The following GSR variants were observed in gnomAD, a reference collection of about 807,000 sequenced individuals.
The protein encoded by GSR is glutathione-disulfide reductase, also known as glutathione reductase, mitochondrial.
In GSR, 48 loss-of-function variants were observed where a neutral mutation model predicts 56.5. The ratio of observed to expected loss-of-function variants is 0.85; its 90% confidence interval spans 0.67 to 1.08. The LOEUF (loss-of-function observed/expected upper bound fraction) is 1.08, where lower values mean the gene tolerates loss of function less well. GSR is among the 50% of genes least tolerant of loss of function. GSR has a pLI of 0.00. For missense variants in GSR, 694 were observed against 703.3 expected (o/e 0.99, Z 0.15); for synonymous variants, 264 against 270.8 (o/e 0.97, Z 0.25).
chr8:30,691,758 G>A (rs1803384803), intron 8 of GSR, among the ~76,000 whole-genome samples: 1 of 151,866 alleles, frequency 6.6e-6, no homozygotes, highest in Non-Finnish European at 1.5e-5. Context: ...TTAAGGATGT[G>A]TAATAAGACA....
chr8:30,683,692 T>C (rs76309974), intron 10 of GSR, among the ~76,000 whole-genome samples: 2 of 150,766 alleles, frequency 1.3e-5, no homozygotes, highest in Non-Finnish European at 1.5e-5. Flanking sequence ...CCCAGGAAGG[T>C]TGAAACTGCA....
Position 30,703,130 on chromosome 8 carries a change from A to T in GSR, c.603T>A (p.Gly201=), listed in dbSNP as rs1803802751. 1.2e-6 allele frequency: 2 copies of T among 1,613,930 alleles called. No homozygotes were observed. Among genetic ancestry groups the T allele is most frequent in the Non-Finnish European group, 1.7e-6 (2 of 1,179,950 alleles). ...YTAPHILIAT[G]GMPSTPHESQ... ...TCTCATGAGGGGTGGAGGGCATACC[A>T]CCTGTGGCGATCAGGATGTGTGGGG... The change falls in exon 5 of 13, where the codon GGT becomes GGA. Residue 201 remains glycine (G), a synonymous_variant. Coordinates refer to ENST00000221130, the MANE Select transcript of GSR (RefSeq NM_000637.5).
At chr8:30,727,121 C>T (rs1262713954) in intron 1 of GSR, 1 of 169,454 alleles carries the variant, frequency 5.9e-6, no homozygotes, top group African/African-American at 2.4e-5. Context: ...CTACATTTTT[C>T]AAGAACCAGG....
intron 3 of GSR, among the ~76,000 whole-genome samples, chr8:30,708,958 CAA>C (rs769951825): frequency 1.6e-4 from 9 of 56,654 alleles, no homozygotes; most frequent in African/African-American, 2.9e-4. Flanking sequence ...GACTCCGTCT[CAA>C]AAAAAAAAAA....
intron 4 of GSR, among the ~76,000 whole-genome samples, chr8:30,706,172 T>C (rs1375225959): frequency 6.7e-6 from 1 of 148,720 alleles, no homozygotes; most frequent in African/African-American, 2.5e-5. Flanking sequence ...TAAGACCCTT[T>C]TCAAAAAAAA....
intron 12 of GSR, among the ~76,000 whole-genome samples, chr8:30,680,388 T>G (rs909636615): frequency 5.6e-5 from 8 of 144,056 alleles, no homozygotes; most frequent in African/African-American, 1.8e-4. Flanking sequence ...CCTGTTTTTT[T>G]TTTTTTTTTT....
At chr8:30,700,735 A>AAAAAAAAAAAAG (rs1382769755) in intron 5 of GSR, among the ~76,000 whole-genome samples, 2 of 149,670 alleles carry the variant, frequency 1.3e-5, no homozygotes, top group Non-Finnish European at 3.0e-5. Flanking sequence ...AAAAAAAAAA[A>AAAAAAAAAAAAG]AAAAAAAAAA....
chr8:30,715,009 C>T (rs902050747), intron 1 of GSR, among the ~76,000 whole-genome samples: 4 of 152,116 alleles, frequency 2.6e-5, no homozygotes, highest in Admixed American at 2.0e-4. Flanking sequence ...GGTGTGGTGG[C>T]TCACGCCTGT....
intron 7 of GSR, among the ~76,000 whole-genome samples, chr8:30,693,682 C>A (rs1439724865): frequency 6.6e-6 from 1 of 152,172 alleles, no homozygotes; most frequent in Admixed American, 6.6e-5. Context: ...GCGCCCACCA[C>A]CATGCCTGGC....
chr8:30,715,271 TAAC>T (rs1804293598), intron 1 of GSR, among the ~76,000 whole-genome samples: 1 of 151,946 alleles, frequency 6.6e-6, no homozygotes, highest in Non-Finnish European at 1.5e-5. Context: ...CCAGCCTAGG[TAAC>T]AGAGCCAGAC....
At chr8:30,699,420 C>T (rs1381592423) in intron 6 of GSR, among the ~76,000 whole-genome samples, 1 of 151,774 alleles carries the variant, frequency 6.6e-6, no homozygotes, top group Admixed American at 6.6e-5. Context: ...ACCAGCCTGA[C>T]CAACATGGAG....
Position 30,678,416 on chromosome 8 carries a change from G to A in GSR, c.*1104C>T, listed in dbSNP as rs1239041482. 1 of 147,698 alleles carries A rather than the reference G, an allele frequency of 6.8e-6. No homozygotes were observed. Among genetic ancestry groups the A allele is most frequent in the African/African-American group, 2.5e-5 (1 of 39,958 alleles). The allele number at this position is 147,698 out of a possible 1,614,324, so 9.1% of individuals were successfully genotyped here. ...GCTCTGTTGTCCAAGATTGAGTGCA[G>A]CAGCATGATCAGGACTCACTGCAGC... is the stretch of plus-strand genomic sequence containing the variant. On this transcript the variant is annotated 3_prime_UTR_variant, in exon 13 of 13. Transcript: ENST00000221130.
rs8190987 is a variant in GSR at position 30,697,933 on chromosome 8, C to T, written c.696-1454G>A. 8.6e-3 allele frequency among the ~76,000 whole-genome samples: 1,302 copies of T among 152,128 alleles called. 22 individuals carry two copies. Among genetic ancestry groups the T allele is most frequent in the African/African-American group, 0.029 (1,205 of 41,514 alleles). On this transcript the variant is annotated intron_variant, in intron 6 of 12. Coordinates refer to ENST00000221130, the MANE Select transcript of GSR (RefSeq NM_000637.5). ...TTCAAACTCCTGGGCTCAAGAAATT[C>T]GCTCGCCTCAGGCCTCCCAAAGTGC... is the stretch of plus-strand genomic sequence containing the variant.
intron 1 of GSR, among the ~76,000 whole-genome samples, chr8:30,724,911 G>A (rs1804675816): frequency 6.6e-6 from 1 of 152,186 alleles, no homozygotes; most frequent in Non-Finnish European, 1.5e-5. Context: ...AAAAGCAGGA[G>A]TAGAGGAGAT....
At chr8:30,688,245 C>T (rs8191010) in intron 9 of GSR, among the ~76,000 whole-genome samples, 1,579 of 152,180 alleles carry the variant, frequency 0.01, 32 homozygotes, top group African/African-American at 0.035. Context: ...ATAGCAAAAA[C>T]GAAGTCTGTA....
intron 6 of GSR, 46 bp downstream of exon 6, chr8:30,700,035 A>T: frequency 7.2e-7 from 1 of 1,388,488 alleles, no homozygotes; most frequent in Admixed American, 1.7e-5. Flanking sequence ...TTACCAGGAG[A>T]CAGTAAGGAA....
intron 6 of GSR, among the ~76,000 whole-genome samples, chr8:30,697,422 A>AAAAC (rs150485496): frequency 0.18 from 27,188 of 148,170 alleles, 2,731 homozygotes; most frequent in East Asian, 0.4. Context: ...TCAAAAAAAC[A>AAAAC]AAACAAACAA....
In GSR at chr8:30,680,965, G is replaced by A. The variant is rs769484105; in HGVS notation, c.1358C>T (p.Ala453Val). 3 of 1,611,698 alleles carry A rather than the reference G, an allele frequency of 1.9e-6. No homozygotes were observed. In the Admixed American group the frequency reaches 5.0e-5, roughly 27 times the overall value. Residue 453 changes from alanine to valine, a missense_variant, in exon 12 of 13, where the codon GCA becomes GTA. Physicochemically the swap from Ala to Val is moderately conservative, Grantham distance 64. Transcript: ENST00000221130. ...ACATTTTGTTTTCCTTTTGGTAACT[G>A]CGTGATACATCGGGGTAAAGCTCGT... ...YSTSFTPMYH[A>V]VTKRKTKCVM...
chr8:30,686,847 T>TC (rs1396290867), intron 9 of GSR, among the ~76,000 whole-genome samples: 1 of 151,902 alleles, frequency 6.6e-6, no homozygotes, highest in Non-Finnish European at 1.5e-5. Context: ...TTTGGTTTTT[T>TC]TTTTTTGAGA....
Sources: gnomAD v4.1 joint callset for allele counts (sites outside exome capture counted in the v4.1 genomes callset) on GRCh38, gnomAD v4.1.1 for gene constraint, MANE v1.5 for transcripts, NCBI Gene and HGNC (gene_info 2026-07-23, HGNC 2026-07-21) for gene names.